Variants in LHPP observed in about 807,000 individuals in gnomAD.
LHPP encodes phospholysine phosphohistidine inorganic pyrophosphate phosphatase.
LHPP carries 24 observed loss-of-function variants against 30.3 expected under a neutral mutation model. That is an observed-to-expected ratio of 0.79 (90% CI 0.57 to 1.11). The LOEUF (loss-of-function observed/expected upper bound fraction) is 1.11. LHPP is among the 50% of genes most tolerant of loss of function. LHPP has a pLI of 0.00. For synonymous variants in LHPP, 150 were observed against 157.1 expected (o/e 0.95, Z 0.34); for missense variants, 356 against 367.2 (o/e 0.97, Z 0.25).
rs1349584577 is a variant in LHPP at position 124,541,169 on chromosome 10, C to T, written c.716+23898C>T. ...GTCCTGGAGTGCGATGTATTCTGAG[C>T]CACCCAGAATGGTGAGTCACCAAGA... On this transcript the variant is annotated intron_variant, in intron 6 of 6. Transcript: ENST00000368842. This position sits in a 1 kb window ranked among gnomAD's most constrained non-coding sequence, Gnocchi z 4.2. 3.3e-5 allele frequency among the ~76,000 whole-genome samples: 5 copies of T among 152,172 alleles called. No homozygotes were observed. The highest frequency in any genetic ancestry group is 7.2e-5 in the African/African-American group (3 of 41,432).
intron 6 of LHPP, among the ~76,000 whole-genome samples, chr10:124,564,292 T>C (rs1391869159): frequency 1.3e-5 from 2 of 151,912 alleles, no homozygotes; most frequent in Non-Finnish European, 2.9e-5. Flanking sequence ...CCCAGCTAAT[T>C]TTTTGTATTT....
rs1405008944 is a variant in LHPP at position 124,510,920 on chromosome 10, G to T, written c.625-6260G>T. On this transcript the variant is annotated intron_variant, in intron 5 of 6. Coordinates refer to ENST00000368842, the MANE Select transcript of LHPP (RefSeq NM_022126.4). This position sits in a 1 kb window ranked among gnomAD's most constrained non-coding sequence, Gnocchi z 4.0. ...GCCAGCAGCCGTGGGGGCTTGCCCGGCCAGCCCTGGCTTTTCCCAACCCTC... is the reference window on the plus strand; with the variant it reads ...GCCAGCAGCCGTGGGGGCTTGCCCGTCCAGCCCTGGCTTTTCCCAACCCTC... Among the ~76,000 whole-genome samples the T allele has an allele frequency of 6.6e-6, 1 of 152,192 alleles. No homozygotes were observed. Among genetic ancestry groups the T allele is most frequent in the Non-Finnish European group, 1.5e-5 (1 of 68,028 alleles).
chr10:124,519,202 C>T (rs2133913506), intron 6 of LHPP, among the ~76,000 whole-genome samples: 2 of 152,334 alleles, frequency 1.3e-5, no homozygotes, highest in South Asian at 4.1e-4. Flanking sequence ...CCCGCCTCTT[C>T]CTCCGGAAGT....
chr10:124,605,065 G>A, intron 6 of LHPP: 1 of 152,680 alleles, frequency 6.5e-6, no homozygotes, highest in African/African-American at 2.4e-5. Flanking sequence ...CAGGGAGACT[G>A]GCCTCATGGG....
chr10:124,584,484 G>A (rs1003677938), intron 6 of LHPP, among the ~76,000 whole-genome samples: 1 of 152,106 alleles, frequency 6.6e-6, no homozygotes, highest in Non-Finnish European at 1.5e-5. Context: ...GTGCTTTCAA[G>A]ATGGTGCCTC....
chr10:124,573,728 A>G (rs1251636835), intron 6 of LHPP, among the ~76,000 whole-genome samples: 1 of 152,160 alleles, frequency 6.6e-6, no homozygotes, highest in African/African-American at 2.4e-5. Context: ...TCATCATCCC[A>G]TAGGGGACAG....
chr10:124,513,808 A>C (rs1363951874), intron 5 of LHPP, among the ~76,000 whole-genome samples: 1 of 151,032 alleles, frequency 6.6e-6, no homozygotes, highest in Non-Finnish European at 1.5e-5. Context: ...AAAAAAGAGC[A>C]TGAGTCCATT....
intron 6 of LHPP, among the ~76,000 whole-genome samples, chr10:124,587,837 G>A (rs12571110): frequency 0.17 from 25,908 of 151,718 alleles, 2,878 homozygotes; most frequent in South Asian, 0.31. Flanking sequence ...AGGGGTGGCA[G>A]TGGAGCTCCC....
intron 6 of LHPP, among the ~76,000 whole-genome samples, chr10:124,607,247 G>T (rs757276334): frequency 5.9e-5 from 9 of 152,202 alleles, no homozygotes; most frequent in Non-Finnish European, 1.2e-4. Context: ...GGCCAGTGTG[G>T]GGCAGGGACT....
In LHPP at chr10:124,541,558, G is replaced by A. The variant is rs982450376; in HGVS notation, c.716+24287G>A. ...AGCATATCTCGAATGGCAGGCTGAG[G>A]CTCGAAAGTCTCATGCCTGTCTGCA... On this transcript the variant is annotated intron_variant, in intron 6 of 6. Transcript: ENST00000368842. The surrounding 1 kb of genome is among the most constrained non-coding windows in gnomAD (Gnocchi z 4.2). Among the ~76,000 whole-genome samples, 2 of 152,072 alleles carry A rather than the reference G, an allele frequency of 1.3e-5. No homozygotes were observed. The highest frequency in any genetic ancestry group is 2.1e-4 in the South Asian group (1 of 4,824).
At position 124,576,662 on chromosome 10, in the gene LHPP, A is replaced by T. The variant is rs1948667295; in HGVS notation, c.717-36602A>T. ...GGATACAGAGGTCTCCTCACTGCAC[A>T]CACAAAACTCCTTCCCTGAGCGAGG... On this transcript the variant is annotated intron_variant, in intron 6 of 6. Coordinates refer to ENST00000368842, the MANE Select transcript of LHPP (RefSeq NM_022126.4). This position sits in a 1 kb window ranked among gnomAD's most constrained non-coding sequence, Gnocchi z 4.2. Among the ~76,000 whole-genome samples, 1 of 151,882 alleles carries T rather than the reference A, an allele frequency of 6.6e-6. No individual in the cohort carries two copies.
At chr10:124,585,875 C>A (rs1015216464) in intron 6 of LHPP, among the ~76,000 whole-genome samples, 1 of 152,058 alleles carries the variant, frequency 6.6e-6, no homozygotes, top group African/African-American at 2.4e-5. Context: ...ACCTCTGCCG[C>A]CTGGGTTTAA....
chr10:124,548,351 A>G (rs1266135225), intron 6 of LHPP, among the ~76,000 whole-genome samples: 1 of 151,606 alleles, frequency 6.6e-6, no homozygotes, highest in African/African-American at 2.4e-5. Flanking sequence ...TCTACCCGGA[A>G]CCCCCTGCCC....
chr10:124,505,940 A>G (rs952003805), intron 5 of LHPP, among the ~76,000 whole-genome samples: 4 of 152,130 alleles, frequency 2.6e-5, no homozygotes, highest in Non-Finnish European at 4.4e-5. Context: ...CATTCCCACC[A>G]TGAGGTTAAG....
intron 6 of LHPP, among the ~76,000 whole-genome samples, chr10:124,537,626 G>T (rs1277394489): frequency 6.6e-6 from 1 of 152,226 alleles, no homozygotes; most frequent in Non-Finnish European, 1.5e-5. Flanking sequence ...CAGCCAGGCA[G>T]TCCCCACAGG....
At chr10:124,559,511 C>A (rs998898725) in intron 6 of LHPP, among the ~76,000 whole-genome samples, 1 of 152,240 alleles carries the variant, frequency 6.6e-6, no homozygotes, top group Non-Finnish European at 1.5e-5. Context: ...ACCCTTCCAG[C>A]GAAGTCACAT....
intron 6 of LHPP, among the ~76,000 whole-genome samples, chr10:124,535,038 C>T (rs539877021): frequency 1.3e-5 from 2 of 152,204 alleles, no homozygotes; most frequent in African/African-American, 4.8e-5. Flanking sequence ...AAACCTCTCT[C>T]GATTGTGTGG....
At chr10:124,540,161 G>T (rs796397156) in intron 6 of LHPP, among the ~76,000 whole-genome samples, 7 of 152,224 alleles carry the variant, frequency 4.6e-5, no homozygotes, top group African/African-American at 1.7e-4. Flanking sequence ...TGCTGTTTCT[G>T]TGTCTGTGCG....
At chr10:124,495,128 A>C (rs896687849) in intron 3 of LHPP, among the ~76,000 whole-genome samples, 1 of 152,200 alleles carries the variant, frequency 6.6e-6, no homozygotes, top group African/African-American at 2.4e-5. Context: ...CGTTTAAGAC[A>C]TGAACTTAGA....
Sources: gnomAD v4.1 joint callset for allele counts (sites outside exome capture counted in the v4.1 genomes callset) on GRCh38, gnomAD v4.1.1 for gene constraint, Gnocchi (gnomAD v3.1) non-coding constraint, MANE v1.5 for transcripts, NCBI Gene and HGNC (gene_info 2026-07-23, HGNC 2026-07-21) for gene names.